Variants in NKAIN1 observed in about 807,000 individuals in gnomAD.
NKAIN1 encodes the protein sodium/potassium transporting ATPase interacting 1, also known as sodium/potassium-transporting ATPase subunit beta-1-interacting protein 1.
Under a neutral mutation model 31.6 loss-of-function variants are expected in NKAIN1, and 13 were observed. The ratio of observed to expected loss-of-function variants is 0.41; its 90% CI spans 0.27 to 0.65. The LOEUF (loss-of-function observed/expected upper bound fraction) is 0.65. Among genes scored for constraint, NKAIN1 ranks in the 30% least tolerant of loss-of-function variants. The probability of loss-of-function intolerance (pLI) is 0.30; values close to 1 mark genes in which losing one functional copy is unlikely to be tolerated. For missense variants in NKAIN1, 193 were observed against 262.2 expected, an observed-to-expected ratio of 0.74 and a Z score of 1.82; for synonymous variants, 104 against 109.0, an observed-to-expected ratio of 0.95 and a Z score of 0.28.
chr1:31,232,738 G>A (rs959403524), intron 1 of NKAIN1, among the ~76,000 whole-genome samples: 17 of 152,000 alleles, frequency 1.1e-4, no homozygotes, highest in African/African-American at 4.1e-4. Flanking sequence ...GACTAGAGGA[G>A]ACAACATGTT....
chr1:31,203,785 A>G (rs928169453), intron 1 of NKAIN1, among the ~76,000 whole-genome samples: 12 of 151,984 alleles, frequency 7.9e-5, no homozygotes, highest in Non-Finnish European at 1.8e-4. Flanking sequence ...GGGTTTCACT[A>G]TGTTGGCCAG....
intron 1 of NKAIN1, among the ~76,000 whole-genome samples, chr1:31,214,845 A>T (rs1374632928): frequency 6.6e-6 from 1 of 152,212 alleles, no homozygotes; most frequent in Non-Finnish European, 1.5e-5. Flanking sequence ...GGGGAATGCG[A>T]GGGAGGGACA....
intron 1 of NKAIN1, among the ~76,000 whole-genome samples, chr1:31,238,410 C>T (rs1264860819): frequency 6.6e-6 from 1 of 152,134 alleles, no homozygotes; most frequent in Non-Finnish European, 1.5e-5. Context: ...CTGGGTTCGG[C>T]GATGGAGGTC....
intron 1 of NKAIN1, among the ~76,000 whole-genome samples, chr1:31,205,013 G>A (rs991920443): frequency 6.6e-6 from 1 of 152,150 alleles, no homozygotes; most frequent in Non-Finnish European, 1.5e-5. Context: ...CTAATGCCTC[G>A]GTTTCCTCAA....
chr1:31,190,259 G>A (rs1327334440), intron 1 of NKAIN1, among the ~76,000 whole-genome samples: 4 of 152,228 alleles, frequency 2.6e-5, no homozygotes, highest in African/African-American at 9.6e-5. Context: ...GGGTAAGGTG[G>A]TGAGGGAAGC....
At chr1:31,197,168 G>A (rs1438750747) in intron 1 of NKAIN1, among the ~76,000 whole-genome samples, 2 of 147,184 alleles carry the variant, frequency 1.4e-5, no homozygotes, top group Non-Finnish European at 3.0e-5. Context: ...CTGGAGTGCA[G>A]TGGCACAATC....
At position 31,239,529 on chromosome 1, in the gene NKAIN1, G is replaced by C; in HGVS notation, c.19C>G (p.Arg7Gly). The C allele has an allele frequency of 7.3e-7, 1 of 1,368,370 alleles. No homozygotes were observed. Among genetic ancestry groups the C allele is most frequent in the Non-Finnish European group, 9.4e-7 (1 of 1,065,044 alleles). 84.8% of individuals were successfully genotyped at this position (1,368,370 alleles called of 1,614,324 possible). The change falls in exon 1 of 7, where the codon CGC (arginine) becomes GGC (glycine). Residue 7 changes from arginine (R) to glycine (G), a missense_variant. Coordinates refer to ENST00000373736, the MANE Select transcript of NKAIN1 (RefSeq NM_024522.3). This position sits in a 1 kb window ranked among gnomAD's most constrained non-coding sequence, Gnocchi z 4.8. MGKCSG[R>G]CTLVAFCCLQ... ...CAGCAGAAGGCGACCAGCGTGCAGC[G>C]CCCGCTGCACTTGCCCATGGCTCCG... is the stretch of plus-strand genomic sequence containing the variant.
At chr1:31,207,737 G>A (rs1467712155) in intron 1 of NKAIN1, among the ~76,000 whole-genome samples, 1 of 152,166 alleles carries the variant, frequency 6.6e-6, no homozygotes. Flanking sequence ...AATTACACAA[G>A]CCCAAGGAAG....
chr1:31,230,550 G>A (rs1283404564), intron 1 of NKAIN1, among the ~76,000 whole-genome samples: 1 of 152,094 alleles, frequency 6.6e-6, no homozygotes, highest in Non-Finnish European at 1.5e-5. Flanking sequence ...TGCCTCTAGG[G>A]GAAGTTTGCT....
chr1:31,218,040 C>CTTTCTTTCTTTCTTTCTTTCT (rs1645529115), intron 1 of NKAIN1, among the ~76,000 whole-genome samples: 2 of 89,856 alleles, frequency 2.2e-5, no homozygotes, highest in Admixed American at 1.1e-4. Context: ...TTCTTTCTTT[C>CTTTCTTTCTTTCTTTCTTTCT]TTTCTTTCTT....
chr1:31,190,634 C>G (rs961607666), intron 1 of NKAIN1, among the ~76,000 whole-genome samples: 1 of 152,100 alleles, frequency 6.6e-6, no homozygotes, highest in Non-Finnish European at 1.5e-5. Flanking sequence ...CCACTTTCCC[C>G]GCTGGGTTTG....
intron 1 of NKAIN1, among the ~76,000 whole-genome samples, chr1:31,217,634 T>A (rs1202812945): frequency 6.6e-6 from 1 of 152,196 alleles, no homozygotes; most frequent in East Asian, 1.9e-4. Flanking sequence ...CACTGGGGGA[T>A]CTTATTCTTG....
intron 1 of NKAIN1, among the ~76,000 whole-genome samples, chr1:31,204,473 G>A (rs1413097385): frequency 6.6e-6 from 1 of 152,088 alleles, no homozygotes; most frequent in East Asian, 1.9e-4. Flanking sequence ...AACTACTGAG[G>A]CATCCCCAGT....
chr1:31,188,282 C>G, intron 1 of NKAIN1, 95 bp from the exon 2 acceptor site: 3 of 1,375,552 alleles, frequency 2.2e-6, no homozygotes, highest in Non-Finnish European at 3.0e-6. Context: ...CACCAGTTAC[C>G]ATGGTGATGA....
chr1:31,225,322 G>A (rs1314116605), intron 1 of NKAIN1, among the ~76,000 whole-genome samples: 4 of 109,672 alleles, frequency 3.6e-5, no homozygotes, highest in African/African-American at 1.0e-4. Flanking sequence ...CACCATGCCC[G>A]GCCTTTTTTT....
At position 31,180,261 on chromosome 1, in the gene NKAIN1, T is replaced by A. The variant is rs970845900; in HGVS notation, c.*1442A>T. ...AGTTCCTCCATGTCTCCTGCCCTCC[T>A]TTCTAACCCAGGGCCATGCCTCTTT... On this transcript the variant is annotated 3_prime_UTR_variant, in exon 7 of 7. Transcript: ENST00000373736. 6.6e-6 allele frequency: 1 copy of A among 152,496 alleles called. No individual in the cohort carries two copies. The highest frequency in any genetic ancestry group is 2.4e-5 in the African/African-American group (1 of 41,476). 9.4% of individuals were successfully genotyped at this position (152,496 alleles called of 1,614,324 possible). A position where few individuals can be genotyped will look rare whatever the true frequency, so the allele number is the denominator to read the frequency against.
intron 1 of NKAIN1, among the ~76,000 whole-genome samples, chr1:31,202,222 AGCCCCTTCT>A (rs1209650075): frequency 6.6e-6 from 1 of 152,218 alleles, no homozygotes; most frequent in Non-Finnish European, 1.5e-5. Flanking sequence ...GGGCTCTGCA[AGCCCCTTCT>A]GGGCAGATCC....
At chr1:31,230,305 G>A (rs949179672) in intron 1 of NKAIN1, among the ~76,000 whole-genome samples, 4 of 152,138 alleles carry the variant, frequency 2.6e-5, no homozygotes, top group African/African-American at 7.2e-5. Flanking sequence ...AGAAGTGCAA[G>A]TGGAAGCTCA....
chr1:31,221,371 T>A (rs1030137495), intron 1 of NKAIN1, among the ~76,000 whole-genome samples: 2 of 152,204 alleles, frequency 1.3e-5, no homozygotes, highest in African/African-American at 4.8e-5. Context: ...TTGTTAGAGA[T>A]GCACATTCTT....
Sources: allele counts gnomAD v4.1 joint callset (sites outside exome capture counted in the v4.1 genomes callset), GRCh38; gene constraint gnomAD v4.1.1; non-coding constraint Gnocchi (gnomAD v3.1); transcripts MANE v1.5; gene names NCBI Gene and HGNC (gene_info 2026-07-23, HGNC 2026-07-21).